PAK5: variants seen among roughly 807,000 people sequenced by gnomAD.
The protein encoded by PAK5 is serine/threonine-protein kinase PAK 5.
PAK5 carries 16 observed loss-of-function variants against 65.9 expected under a neutral mutation model. The ratio of observed to expected loss-of-function variants is 0.24; its 90% confidence interval spans 0.16 to 0.37. The LOEUF (loss-of-function observed/expected upper bound fraction) is 0.37. Among genes scored for constraint, PAK5 ranks in the 10% least tolerant of loss-of-function variants. PAK5 has a pLI of 1.00. For missense variants in PAK5, 785 were observed against 903.9 expected (o/e 0.87, Z 1.69); for synonymous variants, 371 against 354.9 (o/e 1.05, Z -0.51).
chr20:9,826,174 T>C lies in PAK5; in HGVS notation c.-162+12588A>G, dbSNP rs1346716492. On this transcript the variant is annotated intron_variant, in intron 1 of 9. Coordinates refer to ENST00000353224, the MANE Select transcript of PAK5 (RefSeq NM_177990.4). Reference sequence around the variant, plus strand: ...GTCTGTATTTGTGTGTGTGATTTTTTGAATAAGAGAAGTCAGAAATCTAGA... The same window carrying C: ...GTCTGTATTTGTGTGTGTGATTTTTCGAATAAGAGAAGTCAGAAATCTAGA... Among the ~76,000 whole-genome samples, 115 of 152,144 alleles carry C rather than the reference T, an allele frequency of 7.6e-4. 3 individuals carry two copies. Among genetic ancestry groups the C allele is most frequent in the Non-Finnish European group, 1.6e-4 (11 of 68,036 alleles).
In PAK5 at chr20:9,612,256, T is replaced by C. The variant is rs73600247; in HGVS notation, c.205-31326A>G. On this transcript the variant is annotated intron_variant, in intron 3 of 9. Transcript: ENST00000353224. ...CTGTCTGTTGTTCCTCCTGGCACACTTAGCGCATTTCCTCTTAATGTCGTC... is the reference window on the plus strand; with the variant it reads ...CTGTCTGTTGTTCCTCCTGGCACACCTAGCGCATTTCCTCTTAATGTCGTC... Among the ~76,000 whole-genome samples the C allele has an allele frequency of 1.7e-3, 251 of 152,040 alleles. 4 individuals are homozygous for C. In the East Asian group the frequency reaches 0.041, roughly 25 times the overall value.
At chr20:9,681,641 A>G (rs745356008) in intron 2 of PAK5, among the ~76,000 whole-genome samples, 4 of 152,116 alleles carry the variant, frequency 2.6e-5, no homozygotes, top group Non-Finnish European at 5.9e-5. Flanking sequence ...CTTCCTGTTC[A>G]ATGTAAGAGC....
chr20:9,761,400 A>C (rs2048697695), intron 1 of PAK5, among the ~76,000 whole-genome samples: 1 of 152,200 alleles, frequency 6.6e-6, no homozygotes, highest in Admixed American at 6.5e-5. Context: ...AATAAATGGA[A>C]GGATATTCGG....
At chr20:9,763,671 G>C (rs1173814529) in intron 1 of PAK5, among the ~76,000 whole-genome samples, 1 of 152,052 alleles carries the variant, frequency 6.6e-6, no homozygotes, top group Non-Finnish European at 1.5e-5. Context: ...TTGCAAAACT[G>C]CAGGAAAAAT....
chr20:9,641,904 C>T lies in PAK5; in HGVS notation c.204+2221G>A, dbSNP rs188745383. Among the ~76,000 whole-genome samples the T allele has an allele frequency of 7.2e-5, 11 of 152,182 alleles. 1 individual carries two copies. Among genetic ancestry groups the T allele is most frequent in the Admixed American group, 6.5e-4 (10 of 15,288 alleles). ...CCGAGTGCGGGGCCCACCAAGCCCA[C>T]GCCCACCCGGAACTCCAGCTGGCCC... On this transcript the variant is annotated intron_variant, in intron 3 of 9. Transcript: ENST00000353224.
chr20:9,601,660 C>T (rs1039743892), intron 3 of PAK5, among the ~76,000 whole-genome samples: 1 of 152,176 alleles, frequency 6.6e-6, no homozygotes, highest in African/African-American at 2.4e-5. Context: ...GTGGGACCCA[C>T]TGACTTTGAA....
chr20:9,586,391 G>A (rs541263980), intron 3 of PAK5, among the ~76,000 whole-genome samples: 37 of 151,870 alleles, frequency 2.4e-4, no homozygotes, highest in Non-Finnish European at 4.3e-4. Context: ...GAGTTGATTG[G>A]GTAGACTTTA....
At chr20:9,834,109 A>C (rs1480182389) in intron 1 of PAK5, among the ~76,000 whole-genome samples, 1 of 152,232 alleles carries the variant, frequency 6.6e-6, no homozygotes, top group Admixed American at 6.5e-5. Context: ...ATCAAGGCAC[A>C]CTGTCTAATT....
intron 3 of PAK5, among the ~76,000 whole-genome samples, chr20:9,585,434 C>A (rs555735374): frequency 5.3e-5 from 8 of 152,282 alleles, no homozygotes; most frequent in Admixed American, 3.9e-4. Flanking sequence ...TTAGGCTAAA[C>A]AAAATATTAC....
intron 1 of PAK5, among the ~76,000 whole-genome samples, chr20:9,804,382 G>A (rs2049206597): frequency 6.6e-6 from 1 of 152,066 alleles, no homozygotes; most frequent in South Asian, 2.1e-4. Flanking sequence ...ATACATCAAT[G>A]GAATAAAACT....
intron 3 of PAK5, 85 bp from the exon 4 acceptor site, chr20:9,581,015 A>G: frequency 1.0e-6 from 1 of 1,002,384 alleles, no homozygotes; most frequent in Non-Finnish European, 1.5e-6. Context: ...ACTCCATCCA[A>G]ATTAAACTAC....
At chr20:9,791,063 A>G (rs545441702) in intron 1 of PAK5, among the ~76,000 whole-genome samples, 2 of 152,166 alleles carry the variant, frequency 1.3e-5, no homozygotes, top group Non-Finnish European at 2.9e-5. Context: ...TTCTCCTTAC[A>G]TGGCAGTAAA....
chr20:9,798,298 G>A (rs990029839), intron 1 of PAK5, among the ~76,000 whole-genome samples: 2 of 152,100 alleles, frequency 1.3e-5, no homozygotes, highest in African/African-American at 4.8e-5. Flanking sequence ...ATGTAAAGAT[G>A]GGAAATCCTA....
At position 9,838,530 on chromosome 20, in the gene PAK5, G is replaced by C. The variant is rs908629037; in HGVS notation, c.-162+232C>G. Among the ~76,000 whole-genome samples the C allele has an allele frequency of 9.2e-5, 14 of 152,172 alleles. No homozygotes were observed. The highest frequency in any genetic ancestry group is 2.9e-4 in the African/African-American group (12 of 41,450). ...TTTGGTTGGTAGAGAGCCCAGGCTGGATAGTAGCGCATGGGTTGAGGGTGG... is the reference window on the plus strand; with the variant it reads ...TTTGGTTGGTAGAGAGCCCAGGCTGCATAGTAGCGCATGGGTTGAGGGTGG... On this transcript the variant is annotated intron_variant, in intron 1 of 9. Transcript: ENST00000353224. This position sits in a 1 kb window ranked among gnomAD's most constrained non-coding sequence, Gnocchi z 4.5.
At chr20:9,782,314 C>A (rs1395182479) in intron 1 of PAK5, among the ~76,000 whole-genome samples, 3 of 152,154 alleles carry the variant, frequency 2.0e-5, no homozygotes, top group Non-Finnish European at 4.4e-5. Flanking sequence ...ACCCCTCCCA[C>A]CACTATACTC....
At chr20:9,691,638 T>G (rs2047799091) in intron 2 of PAK5, among the ~76,000 whole-genome samples, 1 of 152,148 alleles carries the variant, frequency 6.6e-6, no homozygotes, top group Non-Finnish European at 1.5e-5. Flanking sequence ...AATAATCACC[T>G]AATTTTAATG....
intron 1 of PAK5, among the ~76,000 whole-genome samples, chr20:9,775,890 T>G (rs1733918847): frequency 6.6e-6 from 1 of 152,210 alleles, no homozygotes; most frequent in African/African-American, 2.4e-5. Flanking sequence ...TATGCACTAA[T>G]GAAAAAATTC....
intron 4 of PAK5, among the ~76,000 whole-genome samples, chr20:9,570,316 G>C (rs2045756543): frequency 6.6e-6 from 1 of 152,042 alleles, no homozygotes; most frequent in Admixed American, 6.6e-5. Context: ...TGCCCCTGTG[G>C]TATATATATT....
At chr20:9,760,970 G>T (rs2048693164) in intron 1 of PAK5, among the ~76,000 whole-genome samples, 1 of 152,030 alleles carries the variant, frequency 6.6e-6, no homozygotes, top group Non-Finnish European at 1.5e-5. Flanking sequence ...CAAAATTACA[G>T]GGCCTGTTCT....
Sources: gnomAD v4.1 joint callset for allele counts (sites outside exome capture counted in the v4.1 genomes callset) on GRCh38, gnomAD v4.1.1 for gene constraint, Gnocchi (gnomAD v3.1) non-coding constraint, MANE v1.5 for transcripts, NCBI Gene and HGNC (gene_info 2026-07-23, HGNC 2026-07-21) for gene names.